The following RNF150 variants were observed in gnomAD, a reference collection of about 807,000 sequenced individuals.
The protein encoded by RNF150 is ring finger protein 150.
In RNF150, 24 loss-of-function variants were observed where a neutral mutation model predicts 39.3. The ratio of observed to expected loss-of-function variants is 0.61; its 90% CI spans 0.44 to 0.86. The LOEUF (loss-of-function observed/expected upper bound fraction) is 0.86. Ranked by LOEUF, RNF150 falls within the 40% of genes least tolerant of loss-of-function variation. The pLI is 0.00. For missense variants in RNF150, 502 were observed against 587.8 expected, an observed-to-expected ratio of 0.85 and a Z score of 1.51; for synonymous variants, 255 against 227.3, an observed-to-expected ratio of 1.12 and a Z score of -1.10.
At chr4:141,058,082 A>G (rs1447425607) in intron 1 of RNF150, among the ~76,000 whole-genome samples, 1 of 152,100 alleles carries the variant, frequency 6.6e-6, no homozygotes, top group East Asian at 1.9e-4. Flanking sequence ...CATATACACA[A>G]TTTTTATTCT....
intron 1 of RNF150, among the ~76,000 whole-genome samples, chr4:141,083,892 T>C (rs1439736827): frequency 1.3e-5 from 2 of 152,212 alleles, no homozygotes; most frequent in African/African-American, 4.8e-5. Flanking sequence ...ATTAAAATTA[T>C]GCTCTTTGGA....
chr4:140,935,043 ATAAAT>A lies in RNF150; in HGVS notation c.891-8975_891-8971del, dbSNP rs1560975671. Among the ~76,000 whole-genome samples, 11 of 4,580 alleles carry A rather than the reference ATAAAT, an allele frequency of 2.4e-3. No homozygotes were observed. The East Asian group carries it at 0.06, about 25-fold the overall frequency. 3.0% of individuals were successfully genotyped at this position (4,580 alleles called of 152,430 possible). ...TATTATATATTTATAATATATATAT[ATAAAT>A]ATATATATTATATATATATAATATA... On this transcript the variant is annotated intron_variant, in intron 4 of 6. Transcript: ENST00000515673.
chr4:141,039,828 T>C (rs536277881), intron 1 of RNF150, among the ~76,000 whole-genome samples: 1 of 152,220 alleles, frequency 6.6e-6, no homozygotes, highest in East Asian at 1.9e-4. Flanking sequence ...TAAAGCTACC[T>C]CTTACTCCTC....
rs2085561658 is a variant in RNF150 at position 140,865,018 on chromosome 4, T to C, written c.*3243A>G. 1 of 152,154 alleles carries C rather than the reference T, an allele frequency of 6.6e-6. No individual in the cohort carries two copies. The highest frequency in any genetic ancestry group is 1.5e-5 in the Non-Finnish European group (1 of 68,050). The allele number at this position is 152,154 out of a possible 1,614,324, so 9.4% of individuals were successfully genotyped here. The stretch of plus-strand genomic sequence containing the variant: ...AATTAAGCTTTTAACCTTCTTTTCT[T>C]TTGTAAGGGTCGGGGGATCTTGTGA... On this transcript the variant is annotated 3_prime_UTR_variant, in exon 7 of 7. Transcript: ENST00000515673.
At chr4:140,988,296 C>A (rs1038734027) in intron 1 of RNF150, among the ~76,000 whole-genome samples, 3 of 152,104 alleles carry the variant, frequency 2.0e-5, no homozygotes, top group African/African-American at 7.2e-5. Context: ...AAAACACATG[C>A]ATGCGTATGT....
At chr4:140,890,141 C>A (rs1440963285) in intron 6 of RNF150, among the ~76,000 whole-genome samples, 2 of 152,058 alleles carry the variant, frequency 1.3e-5, no homozygotes, top group African/African-American at 4.8e-5. Flanking sequence ...TGTATGTGTG[C>A]AGGTAACAAA....
At chr4:141,017,476 C>G (rs1285322187) in intron 1 of RNF150, among the ~76,000 whole-genome samples, 1 of 152,170 alleles carries the variant, frequency 6.6e-6, no homozygotes, top group African/African-American at 2.4e-5. Flanking sequence ...GGTACATTTG[C>G]TACAATCAAT....
intron 1 of RNF150, among the ~76,000 whole-genome samples, chr4:141,009,595 G>T (rs542656592): frequency 6.6e-6 from 1 of 152,148 alleles, no homozygotes. Context: ...AATTAGTAAG[G>T]ACTCAAGAAA....
intron 1 of RNF150, among the ~76,000 whole-genome samples, chr4:141,106,461 T>C (rs996267378): frequency 3.3e-5 from 5 of 152,176 alleles, no homozygotes; most frequent in East Asian, 1.9e-4. Flanking sequence ...AGTCAAACTC[T>C]GCAAACTTCA....
At chr4:141,117,754 C>T (rs1268225510) in intron 1 of RNF150, among the ~76,000 whole-genome samples, 5 of 152,170 alleles carry the variant, frequency 3.3e-5, no homozygotes, top group Admixed American at 6.5e-5. Flanking sequence ...AGTGAAGTAT[C>T]GAAGACACCT....
chr4:140,869,179 A>G (rs549036982), intron 6 of RNF150, among the ~76,000 whole-genome samples: 4 of 152,338 alleles, frequency 2.6e-5, no homozygotes, highest in Admixed American at 2.6e-4. Context: ...GAATAAACCT[A>G]TTACTTCTAA....
intron 1 of RNF150, among the ~76,000 whole-genome samples, chr4:141,062,882 C>A (rs1737293699): frequency 6.6e-6 from 1 of 152,162 alleles, no homozygotes; most frequent in Non-Finnish European, 1.5e-5. Flanking sequence ...TCCTCATGGT[C>A]ATGTGCACCC....
chr4:141,101,766 C>T (rs1739019784), intron 1 of RNF150, among the ~76,000 whole-genome samples: 1 of 151,964 alleles, frequency 6.6e-6, no homozygotes, highest in South Asian at 2.1e-4. Flanking sequence ...AATTTTTTAG[C>T]TCCATTATAA....
intron 1 of RNF150, among the ~76,000 whole-genome samples, chr4:141,048,068 T>C (rs1325325506): frequency 6.6e-6 from 1 of 152,194 alleles, no homozygotes; most frequent in African/African-American, 2.4e-5. Context: ...ACAGGGGTTG[T>C]GTCCCACTTC....
intron 2 of RNF150, among the ~76,000 whole-genome samples, chr4:140,960,828 G>T (rs1017237346): frequency 6.6e-6 from 1 of 152,038 alleles, no homozygotes; most frequent in Non-Finnish European, 1.5e-5. Flanking sequence ...GCGCAGGTGT[G>T]GGGGGAAGGT....
intron 1 of RNF150, among the ~76,000 whole-genome samples, chr4:141,056,326 A>G (rs889878658): frequency 6.6e-6 from 1 of 152,176 alleles, no homozygotes; most frequent in Non-Finnish European, 1.5e-5. Flanking sequence ...ACTAGAGCCC[A>G]GGAGTTCAAA....
intron 1 of RNF150, among the ~76,000 whole-genome samples, chr4:141,138,867 G>A (rs141998641): frequency 6.6e-6 from 1 of 152,170 alleles, no homozygotes; most frequent in Non-Finnish European, 1.5e-5. Context: ...AAGAAGAGTA[G>A]GAGGGAACAG....
chr4:140,906,972 C>T (rs915875791), intron 6 of RNF150, among the ~76,000 whole-genome samples: 39 of 152,160 alleles, frequency 2.6e-4, no homozygotes, highest in African/African-American at 8.4e-4. Flanking sequence ...ACCCCACCCC[C>T]GCGAGATGTG....
chr4:141,205,115 G>C (rs1202753203), intron 1 of RNF150, among the ~76,000 whole-genome samples: 3 of 152,088 alleles, frequency 2.0e-5, no homozygotes, highest in African/African-American at 7.2e-5. Context: ...TGATGCATGT[G>C]TTTTCACCAA....
Sources: gnomAD v4.1 joint callset for allele counts (sites outside exome capture counted in the v4.1 genomes callset) on GRCh38, gnomAD v4.1.1 for gene constraint, MANE v1.5 for transcripts, NCBI Gene and HGNC (gene_info 2026-07-23, HGNC 2026-07-21) for gene names.